EGFR: variants seen among roughly 807,000 people sequenced by gnomAD.
EGFR encodes avian erythroblastic leukemia viral (v-erb-b) oncogene homolog.
In EGFR, 58 loss-of-function variants were observed where a neutral mutation model predicts 143.0. The ratio of observed to expected loss-of-function variants is 0.41; its 90% CI spans 0.33 to 0.50. The LOEUF is 0.50. Among genes scored for constraint, EGFR ranks in the 20% least tolerant of loss-of-function variants. The probability of loss-of-function intolerance (pLI) is 0.39; values close to 1 mark genes in which losing one functional copy is unlikely to be tolerated. For missense variants in EGFR, 1,307 were observed against 1,579.0 expected (o/e 0.83, Z 2.92); for synonymous variants, 613 against 594.4 (o/e 1.03, Z -0.45).
chr7:55,139,209 T>C (rs1794322088), intron 1 of EGFR, among the ~76,000 whole-genome samples: 1 of 152,192 alleles, frequency 6.6e-6, no homozygotes, highest in Admixed American at 6.5e-5. Context: ...CACAGAGAGC[T>C]TGGAGAAGTA....
At chr7:55,086,051 C>T (rs974363612) in intron 1 of EGFR, among the ~76,000 whole-genome samples, 1 of 152,186 alleles carries the variant, frequency 6.6e-6, no homozygotes, top group African/African-American at 2.4e-5. Flanking sequence ...TTATGAGAGC[C>T]ACTGTTTGTG....
At chr7:55,102,780 T>G (rs1791904468) in intron 1 of EGFR, among the ~76,000 whole-genome samples, 1 of 152,206 alleles carries the variant, frequency 6.6e-6, no homozygotes, top group Non-Finnish European at 1.5e-5. Context: ...TTTAAAAATT[T>G]TTTTAAAACT....
At chr7:55,204,534 G>A (rs55728025) in intron 27 of EGFR, among the ~76,000 whole-genome samples, 2 of 114,564 alleles carry the variant, frequency 1.7e-5, no homozygotes, top group South Asian at 5.5e-4. Context: ...CCACACATAC[G>A]CATATATACA....
intron 8 of EGFR, 72 bp from the exon 9 acceptor site, chr7:55,156,461 C>G (rs2128937976): frequency 2.5e-6 from 4 of 1,604,588 alleles, no homozygotes; most frequent in Non-Finnish European, 3.4e-6. Flanking sequence ...CTGCTTCCCT[C>G]TGCCTGTGGA....
At chr7:55,131,264 G>C (rs756484462) in intron 1 of EGFR, among the ~76,000 whole-genome samples, 2 of 151,856 alleles carry the variant, frequency 1.3e-5, no homozygotes, top group African/African-American at 4.8e-5. Context: ...CTAAACTGCC[G>C]GCAGAGGCTG....
At chr7:55,049,097 GA>G (rs753716658) in intron 1 of EGFR, among the ~76,000 whole-genome samples, 2 of 152,134 alleles carry the variant, frequency 1.3e-5, no homozygotes, top group East Asian at 1.9e-4. Flanking sequence ...ATGACAACAC[GA>G]AGGACTTCGA....
rs568958520 is a variant in EGFR at position 55,123,827 on chromosome 7, C to G, written c.89-18459C>G. 5.3e-4 allele frequency among the ~76,000 whole-genome samples: 81 copies of G among 151,998 alleles called. 1 individual carries two copies. The highest frequency in any genetic ancestry group is 1.9e-3 in the African/African-American group (78 of 41,452). Reference sequence around the variant, plus strand: ...CTTAACTCAAACTAGAATTAAATCTCTGTGTGTGTGTGCATGTGAATGTGC... The same window carrying G: ...CTTAACTCAAACTAGAATTAAATCTGTGTGTGTGTGTGCATGTGAATGTGC... On this transcript the variant is annotated intron_variant, in intron 1 of 27. Coordinates refer to ENST00000275493, the MANE Select transcript of EGFR (RefSeq NM_005228.5).
intron 1 of EGFR, among the ~76,000 whole-genome samples, chr7:55,079,035 TC>T (rs1191406107): frequency 6.6e-6 from 1 of 152,156 alleles, no homozygotes; most frequent in African/African-American, 2.4e-5. Flanking sequence ...GGAGTTCTCG[TC>T]CATTCCTCTC....
intron 1 of EGFR, among the ~76,000 whole-genome samples, chr7:55,097,376 A>C (rs1314384830): frequency 6.6e-6 from 1 of 152,132 alleles, no homozygotes; most frequent in African/African-American, 2.4e-5. Context: ...TCCCCCATAA[A>C]ACTTATTCCC....
chr7:55,041,943 G>A (rs1219226561), intron 1 of EGFR, among the ~76,000 whole-genome samples: 1 of 152,142 alleles, frequency 6.6e-6, no homozygotes, highest in African/African-American at 2.4e-5. Flanking sequence ...TCTTCATATA[G>A]AAGGATCTAA....
intron 1 of EGFR, among the ~76,000 whole-genome samples, chr7:55,071,250 T>C (rs1388196659): frequency 6.6e-6 from 1 of 152,194 alleles, no homozygotes; most frequent in Admixed American, 6.5e-5. Flanking sequence ...GGTAGAGAAC[T>C]CATAGAAGAT....
At chr7:55,043,631 C>G (rs560488816) in intron 1 of EGFR, among the ~76,000 whole-genome samples, 31 of 152,076 alleles carry the variant, frequency 2.0e-4, no homozygotes, top group African/African-American at 6.5e-4. Flanking sequence ...CCCAATATGC[C>G]GGGATTACAG....
intron 1 of EGFR, among the ~76,000 whole-genome samples, chr7:55,132,494 T>C (rs111303436): frequency 7.0e-4 from 106 of 152,338 alleles, no homozygotes; most frequent in African/African-American, 2.5e-3. Context: ...ACTTTATTTT[T>C]AGTGGTAAAT....
At chr7:55,159,770 G>A (rs1370412865) in intron 11 of EGFR, among the ~76,000 whole-genome samples, 2 of 152,186 alleles carry the variant, frequency 1.3e-5, no homozygotes, top group African/African-American at 4.8e-5. Context: ...GGACAGGTTG[G>A]GTGGTGGATA....
chr7:55,137,714 A>G (rs1048812917), intron 1 of EGFR, among the ~76,000 whole-genome samples: 2 of 152,244 alleles, frequency 1.3e-5, no homozygotes, highest in Non-Finnish European at 2.9e-5. Context: ...GTGCTGTGAC[A>G]TAAGGCTTGC....
At chr7:55,125,167 C>G (rs965584920) in intron 1 of EGFR, among the ~76,000 whole-genome samples, 9 of 152,198 alleles carry the variant, frequency 5.9e-5, no homozygotes, top group Non-Finnish European at 1.3e-4. Flanking sequence ...AGGGGTTTCT[C>G]CACACTCCCT....
rs867363239 is a variant in EGFR at position 55,163,922 on chromosome 7, C to T, written c.1722+99C>T. ...CCCAGGGCATCCTGTGTGGGCAGGA[C>T]GGCCATCAGAGCCACTTCCCAGAGG... On this transcript the variant is annotated intron_variant, in intron 14 of 27. Transcript: ENST00000275493. 2.6e-5 allele frequency: 35 copies of T among 1,372,264 alleles called. 1 individual carries two copies. The Middle Eastern group carries it at 1.7e-3, about 67-fold the overall frequency. 85.0% of individuals were successfully genotyped at this position (1,372,264 alleles called of 1,614,324 possible).
chr7:55,046,927 T>A (rs1788209851), intron 1 of EGFR, among the ~76,000 whole-genome samples: 1 of 152,218 alleles, frequency 6.6e-6, no homozygotes, highest in African/African-American at 2.4e-5. Context: ...CAGTTCTTAC[T>A]CTTGGTGTGT....
chr7:55,107,994 T>A (rs1180207109), intron 1 of EGFR, among the ~76,000 whole-genome samples: 1 of 152,272 alleles, frequency 6.6e-6, no homozygotes, highest in African/African-American at 2.4e-5. Context: ...TGGCTCCTAT[T>A]GGATGCCTTA....
Sources: allele counts gnomAD v4.1 joint callset (sites outside exome capture counted in the v4.1 genomes callset), GRCh38; gene constraint gnomAD v4.1.1; transcripts MANE v1.5; gene names NCBI Gene and HGNC (gene_info 2026-07-23, HGNC 2026-07-21).